POLR3E: variants seen among roughly 807,000 people sequenced by gnomAD.
POLR3E encodes the protein DNA-directed RNA polymerase III subunit RPC5.
A neutral mutation model predicts 96.6 loss-of-function variants in POLR3E; 41 were observed. The observed-to-expected ratio is 0.42, with a 90% CI of 0.33 to 0.55. The LOEUF (loss-of-function observed/expected upper bound fraction) is 0.55. Ranked by LOEUF, POLR3E falls within the 20% of genes least tolerant of loss-of-function variation. The pLI is 0.06. For synonymous variants in POLR3E, 396 were observed against 383.6 expected, an observed-to-expected ratio of 1.03 and a Z score of -0.38; for missense variants, 849 against 952.1, an observed-to-expected ratio of 0.89 and a Z score of 1.43.
intron 19 of POLR3E, among the ~76,000 whole-genome samples, chr16:22,330,475 A>G (rs1173487238): frequency 6.6e-6 from 1 of 152,214 alleles, no homozygotes; most frequent in Non-Finnish European, 1.5e-5. Flanking sequence ...CATCAGTAAT[A>G]TACTATGATT....
intron 3 of POLR3E, among the ~76,000 whole-genome samples, chr16:22,307,622 G>C (rs1480031960): frequency 6.6e-6 from 1 of 152,226 alleles, no homozygotes; most frequent in African/African-American, 2.4e-5. Context: ...CCCTTTTCCA[G>C]CATCTTGTGA....
chr16:22,315,156 A>T lies in POLR3E; in HGVS notation c.590A>T (p.Gln197Leu). 6.2e-7 allele frequency: 1 copy of T among 1,611,828 alleles called. No homozygotes were observed. Among genetic ancestry groups the T allele is most frequent in the South Asian group, 1.1e-5 (1 of 90,472 alleles). The change falls in exon 9 of 21, where the codon CAG becomes CTG. Residue 197 changes from glutamine to leucine, a missense_variant. Transcript: ENST00000299853. The part of the protein sequence containing the change: ...QRRVQSYEFL[Q>L]KKHAEEPWVH... Reference sequence around the variant, plus strand: ...CGTGTGCAGTCCTATGAGTTCCTGCAGAAGAAGCACGCAGAGGAGCCCTGG... The same window carrying T: ...CGTGTGCAGTCCTATGAGTTCCTGCTGAAGAAGCACGCAGAGGAGCCCTGG...
chr16:22,301,615 G>T (rs777776104), intron 1 of POLR3E, among the ~76,000 whole-genome samples: 1 of 151,248 alleles, frequency 6.6e-6, no homozygotes, highest in Non-Finnish European at 1.5e-5. Context: ...CAAATGTTAA[G>T]TAGATCAGAC....
At chr16:22,305,347 G>A (rs766238683) in intron 3 of POLR3E, 141 bp downstream of exon 3, 36 of 743,622 alleles carry the variant, frequency 4.8e-5, no homozygotes, top group South Asian at 3.1e-4. Flanking sequence ...CTTTGCTTTC[G>A]TGGGTGGGTT....
chr16:22,321,362 G>C (rs1486635426), intron 13 of POLR3E, among the ~76,000 whole-genome samples: 1 of 152,206 alleles, frequency 6.6e-6, no homozygotes, highest in Non-Finnish European at 1.5e-5. Context: ...ACAATGCCTT[G>C]AAAGCTCCTC....
At chr16:22,321,528 T>C (rs865960705) in intron 13 of POLR3E, among the ~76,000 whole-genome samples, 1 of 152,202 alleles carries the variant, frequency 6.6e-6, no homozygotes, top group Middle Eastern at 3.2e-3. Context: ...GCGTATTACA[T>C]AGGACCACGT....
intron 2 of POLR3E, among the ~76,000 whole-genome samples, chr16:22,304,442 G>C (rs1455321628): frequency 6.6e-6 from 1 of 152,198 alleles, no homozygotes; most frequent in Non-Finnish European, 1.5e-5. Context: ...AAGGGACTCC[G>C]AGGACAGAGG....
chr16:22,333,485 GGGTGGCTGGTAGTAGCCAT>G, intron 20 of POLR3E, among the ~76,000 whole-genome samples, 140 bp from the exon 21 acceptor site: 1 of 151,498 alleles, frequency 6.6e-6, no homozygotes, highest in South Asian at 2.1e-4. Context: ...CCTGAGGAAA[GGGTGGCTGGTAGTAGCCAT>G]GGTGGTATGG....
chr16:22,322,856 C>T lies in POLR3E; in HGVS notation c.993C>T (p.Ile331=). The T allele has an allele frequency of 6.2e-7, 1 of 1,612,386 alleles. No individual in the cohort carries two copies. Among genetic ancestry groups the T allele is most frequent in the Non-Finnish European group, 8.5e-7 (1 of 1,178,858 alleles). ...TCCTCACCTGCATTGGCAGTGACATCCTATACCCCAAGGACTCGTCCAGCC... is the reference window on the plus strand; with the variant it reads ...TCCTCACCTGCATTGGCAGTGACATTCTATACCCCAAGGACTCGTCCAGCC... ...VQGNWVVKSD[I]LYPKDSSSPH... is the part of the protein sequence containing the mutation. Residue 331 remains isoleucine (I), a synonymous_variant, in exon 14 of 21, where the codon ATC becomes ATT. Coordinates refer to ENST00000299853, the MANE Select transcript of POLR3E (RefSeq NM_018119.4). The surrounding 1 kb of genome is among the most constrained non-coding windows in gnomAD (Gnocchi z 5.2).
intron 3 of POLR3E, among the ~76,000 whole-genome samples, chr16:22,306,239 C>T (rs940854447): frequency 5.3e-5 from 8 of 152,116 alleles, no homozygotes; most frequent in African/African-American, 7.2e-5. Context: ...TAGCCTGCAT[C>T]AATATTTGAG....
intron 9 of POLR3E, among the ~76,000 whole-genome samples, chr16:22,315,439 G>A (rs1247974224): frequency 6.6e-6 from 1 of 152,190 alleles, no homozygotes; most frequent in East Asian, 1.9e-4. Context: ...GTGGGGTTTG[G>A]CCCCTGGGCA....
rs374162910 is a variant in POLR3E, at chr16:22,313,256, C to G, written c.365-364C>G. 2.0e-5 allele frequency among the ~76,000 whole-genome samples: 3 copies of G among 152,086 alleles called. No homozygotes were observed. Among genetic ancestry groups the G allele is most frequent in the African/African-American group, 4.8e-5 (2 of 41,404 alleles). ...GGCGGGACAGTAAGGCTGAGCTGGCCGAGGCCTGGAGGGTAAACAGCAGGG... is the reference window on the plus strand; with the variant it reads ...GGCGGGACAGTAAGGCTGAGCTGGCGGAGGCCTGGAGGGTAAACAGCAGGG... On this transcript the variant is annotated intron_variant, in intron 6 of 20. Transcript: ENST00000299853. The surrounding 1 kb of genome is among the most constrained non-coding windows in gnomAD (Gnocchi z 4.1).
intron 18 of POLR3E, chr16:22,328,306 G>T: frequency 3.4e-6 from 2 of 584,504 alleles, no homozygotes; most frequent in African/African-American, 1.9e-5. Flanking sequence ...CAGGCCCTGG[G>T]GGGTGTGCTG....
In POLR3E at chr16:22,322,791, G is replaced by A. The variant is rs963905236; in HGVS notation, c.987-59G>A. 26 of 1,216,950 alleles carry A rather than the reference G, an allele frequency of 2.1e-5. No individual in the cohort carries two copies. The highest frequency in any genetic ancestry group is 3.1e-5 in the Non-Finnish European group (26 of 827,400). 75.4% of individuals were successfully genotyped at this position (1,216,950 alleles called of 1,614,324 possible). A position where few individuals can be genotyped will look rare whatever the true frequency, so the allele number is the denominator to read the frequency against. ...ATGGACTGGGGCTTGGCCGGGAGGG[G>A]TAGCGGTAGAGGGGGCTCAGGGCAG... is the stretch of plus-strand genomic sequence containing the variant. On this transcript the variant is annotated intron_variant, in intron 13 of 20. Transcript: ENST00000299853. This position sits in a 1 kb window ranked among gnomAD's most constrained non-coding sequence, Gnocchi z 5.2.
intron 2 of POLR3E, among the ~76,000 whole-genome samples, chr16:22,304,465 C>T (rs2048093859): frequency 6.6e-6 from 1 of 152,200 alleles, no homozygotes; most frequent in Non-Finnish European, 1.5e-5. Context: ...GTGCCCTCTG[C>T]AGCCAGGGGG....
chr16:22,309,390 T>G (rs1287906910), intron 5 of POLR3E, 38 bp from the exon 6 acceptor site: 1 of 1,480,070 alleles, frequency 6.8e-7, no homozygotes, highest in Admixed American at 1.7e-5. Context: ...GGCTCGGAGC[T>G]GCCTTCCCCT....
chr16:22,298,001 G>A (rs971543015), intron 1 of POLR3E, among the ~76,000 whole-genome samples: 4 of 152,256 alleles, frequency 2.6e-5, no homozygotes, highest in Non-Finnish European at 4.4e-5. Context: ...GCGCCTGCCG[G>A]AGCCCCCACT....
rs1176635194 is a variant in POLR3E, at chr16:22,315,071, T to G, written c.523-18T>G. 1 of 1,612,150 alleles carries G rather than the reference T, an allele frequency of 6.2e-7. No individual in the cohort carries two copies. Among genetic ancestry groups the G allele is most frequent in the Admixed American group, 1.7e-5 (1 of 59,992 alleles). The stretch of plus-strand genomic sequence containing the variant: ...GTCACAGGCCTGACGGTATGACCTC[T>G]TCCCCTTCCCACCGCAGGTGCGGTT... On this transcript the variant is annotated intron_variant, in intron 8 of 20. Transcript: ENST00000299853.
At chr16:22,325,613 C>CT in intron 17 of POLR3E, 148 bp from the exon 18 acceptor site, 1 of 951,262 alleles carries the variant, frequency 1.1e-6, no homozygotes, top group African/African-American at 1.7e-5. Context: ...GGACGGTTCT[C>CT]TCTTCCACTG....
Sources: allele counts gnomAD v4.1 joint callset (sites outside exome capture counted in the v4.1 genomes callset), GRCh38; gene constraint gnomAD v4.1.1; non-coding constraint Gnocchi (gnomAD v3.1); transcripts MANE v1.5; gene names NCBI Gene and HGNC (gene_info 2026-07-23, HGNC 2026-07-21).